The following ABTB2 variants were observed in gnomAD, a reference collection of about 807,000 sequenced individuals.
The protein encoded by ABTB2 is ankyrin repeat and BTB domain containing 2.
ABTB2 carries 56 observed loss-of-function variants against 104.1 expected under a neutral mutation model. That is an observed-to-expected ratio of 0.54 (90% confidence interval 0.43 to 0.67). ABTB2 has a LOEUF of 0.67. Among genes scored for constraint, ABTB2 ranks in the 30% least tolerant of loss-of-function variants. The pLI is 0.00. For missense variants in ABTB2, 1,279 were observed against 1,407.7 expected (o/e 0.91, Z 1.46); for synonymous variants, 606 against 608.2 (o/e 1.00, Z 0.05).
intron 1 of ABTB2, among the ~76,000 whole-genome samples, chr11:34,207,419 G>A (rs1261524120): frequency 2.6e-5 from 4 of 152,128 alleles, no homozygotes; most frequent in Non-Finnish European, 5.9e-5. Flanking sequence ...ACTTAATACC[G>A]TGGCAAAAGT....
At position 34,151,557 on chromosome 11, in the gene ABTB2, T is replaced by G. The variant is rs372288743; in HGVS notation, c.*830A>C. ...AGGCAACCTAGTCTAGGCCTGAGGT[T>G]CCAGAATCCACCCATTTACTTTGGC... On this transcript the variant is annotated 3_prime_UTR_variant, in exon 17 of 17. Coordinates refer to ENST00000435224, the MANE Select transcript of ABTB2 (RefSeq NM_145804.3). The G allele has an allele frequency of 1.3e-5, 2 of 152,410 alleles. No individual in the cohort carries two copies. Among genetic ancestry groups the G allele is most frequent in the South Asian group, 4.1e-4 (2 of 4,830 alleles). 9.4% of individuals were successfully genotyped at this position (152,410 alleles called of 1,614,324 possible).
At chr11:34,162,889 C>G in intron 9 of ABTB2, 84 bp from the exon 10 acceptor site, 1 of 1,328,810 alleles carries the variant, frequency 7.5e-7, no homozygotes, top group Non-Finnish European at 1.0e-6. Flanking sequence ...GCCCTCCTGC[C>G]CCGACGGGCT....
chr11:34,284,963 C>G (rs936697195), intron 1 of ABTB2, among the ~76,000 whole-genome samples: 3 of 152,252 alleles, frequency 2.0e-5, no homozygotes, highest in African/African-American at 7.2e-5. Flanking sequence ...AGTCAATCAG[C>G]TGCCAGCTCC....
At chr11:34,241,646 C>G (rs1853917248) in intron 1 of ABTB2, among the ~76,000 whole-genome samples, 1 of 152,178 alleles carries the variant, frequency 6.6e-6, no homozygotes, top group South Asian at 2.1e-4. Context: ...AATCACAGCG[C>G]TTTGGGAAGC....
chr11:34,276,791 G>A (rs2611107), intron 1 of ABTB2, among the ~76,000 whole-genome samples: 31,642 of 152,080 alleles, frequency 0.21, 4,699 homozygotes, highest in African/African-American at 0.41. Context: ...AGCTGGCATG[G>A]AGGCTTCAGA....
chr11:34,181,470 G>A (rs1853025137), intron 3 of ABTB2, among the ~76,000 whole-genome samples: 1 of 152,162 alleles, frequency 6.6e-6, no homozygotes, highest in African/African-American at 2.4e-5. Flanking sequence ...CATGACCCGG[G>A]CCCCAAGCAC....
intron 1 of ABTB2, among the ~76,000 whole-genome samples, chr11:34,251,626 C>T (rs575849703): frequency 1.9e-4 from 29 of 152,270 alleles, no homozygotes; most frequent in Admixed American, 5.2e-4. Context: ...CATTATCTGA[C>T]GTGCATTTGT....
chr11:34,162,376 G>T (rs1176744081), intron 10 of ABTB2, among the ~76,000 whole-genome samples, 200 bp downstream of exon 10: 1 of 152,238 alleles, frequency 6.6e-6, no homozygotes, highest in Non-Finnish European at 1.5e-5. Flanking sequence ...GTTGAGCACT[G>T]TCTGAGGCCC....
chr11:34,267,229 C>T lies in ABTB2; in HGVS notation c.884-62539G>A, dbSNP rs373871042. ...ATTCTGGGTGCTCGAGAGGCGGCAG[C>T]CCTCAGAAGAGCAAGCCAATGCTGG... is the stretch of plus-strand genomic sequence containing the variant. On this transcript the variant is annotated intron_variant, in intron 1 of 16. Transcript: ENST00000435224. 3.3e-4 allele frequency among the ~76,000 whole-genome samples: 50 copies of T among 152,312 alleles called. No homozygotes were observed. The Middle Eastern group carries it at 0.01, about 31-fold the overall frequency.
chr11:34,284,279 A>G (rs1854479440), intron 1 of ABTB2, among the ~76,000 whole-genome samples: 1 of 152,194 alleles, frequency 6.6e-6, no homozygotes, highest in Non-Finnish European at 1.5e-5. Context: ...GGAAACCTTT[A>G]GCTTCTCAGG....
intron 2 of ABTB2, 65 bp from the exon 3 acceptor site, chr11:34,197,603 A>T: frequency 2.6e-6 from 3 of 1,153,072 alleles, no homozygotes; most frequent in Non-Finnish European, 3.6e-6. Flanking sequence ...CTGAGTTCAC[A>T]GCCTGCATTC....
chr11:34,256,669 G>A (rs577779712), intron 1 of ABTB2, among the ~76,000 whole-genome samples: 1 of 152,248 alleles, frequency 6.6e-6, no homozygotes, highest in African/African-American at 2.4e-5. Flanking sequence ...GGACGAGGTT[G>A]GTGTCAGGTT....
At chr11:34,246,404 C>T (rs1268242765) in intron 1 of ABTB2, among the ~76,000 whole-genome samples, 1 of 151,958 alleles carries the variant, frequency 6.6e-6, no homozygotes, top group Non-Finnish European at 1.5e-5. Flanking sequence ...GAGTTCGAGA[C>T]CAGCCTGACC....
At chr11:34,332,771 C>A (rs1207341699) in intron 1 of ABTB2, among the ~76,000 whole-genome samples, 1 of 152,034 alleles carries the variant, frequency 6.6e-6, no homozygotes, top group Non-Finnish European at 1.5e-5. Flanking sequence ...CTCTGCTTTC[C>A]TGCCCATTTC....
chr11:34,156,489 A>G (rs1852628414), intron 14 of ABTB2, among the ~76,000 whole-genome samples: 1 of 150,118 alleles, frequency 6.7e-6, no homozygotes, highest in Non-Finnish European at 1.5e-5. Context: ...TGGGAAGGGC[A>G]GGGTTGGGGC....
chr11:34,285,527 G>T (rs528694918), intron 1 of ABTB2, among the ~76,000 whole-genome samples: 52 of 152,176 alleles, frequency 3.4e-4, no homozygotes, highest in African/African-American at 1.2e-3. Context: ...ACCTCAAAAG[G>T]TTTGTAGTTT....
chr11:34,229,800 A>C (rs1590223659), intron 1 of ABTB2, among the ~76,000 whole-genome samples: 1 of 152,244 alleles, frequency 6.6e-6, no homozygotes, highest in African/African-American at 2.4e-5. Context: ...AAGTATTGAT[A>C]CTTGTTAAAT....
At chr11:34,248,114 A>ATTTTTTTTTTTTTT (rs1363625721) in intron 1 of ABTB2, among the ~76,000 whole-genome samples, 2,639 of 126,330 alleles carry the variant, frequency 0.021, 243 homozygotes, top group African/African-American at 0.077. Flanking sequence ...AAAAAAAAAA[A>ATTTTTTTTTTTTTT]AAAAAAAACA....
intron 3 of ABTB2, among the ~76,000 whole-genome samples, chr11:34,190,494 A>G (rs1853161921): frequency 6.6e-6 from 1 of 151,704 alleles, no homozygotes; most frequent in South Asian, 2.1e-4. Flanking sequence ...TAGGCTGGAG[A>G]CTCATAAGCC....
Sources: gnomAD v4.1 joint callset for allele counts (sites outside exome capture counted in the v4.1 genomes callset) on GRCh38, gnomAD v4.1.1 for gene constraint, MANE v1.5 for transcripts, NCBI Gene and HGNC (gene_info 2026-07-23, HGNC 2026-07-21) for gene names.